Variants in TFRC observed in about 807,000 individuals in gnomAD.
TFRC encodes transferrin receptor protein 1.
In TFRC, 35 loss-of-function variants were observed where a neutral mutation model predicts 85.8. That is an observed-to-expected ratio of 0.41 (90% CI 0.31 to 0.54). The LOEUF (loss-of-function observed/expected upper bound fraction) is 0.54, where lower values mean the gene tolerates loss of function less well. TFRC is among the 20% of genes least tolerant of loss of function. The pLI is 0.31. For missense variants in TFRC, 828 were observed against 921.5 expected, an observed-to-expected ratio of 0.90 and a Z score of 1.31; for synonymous variants, 362 against 328.6, an observed-to-expected ratio of 1.10 and a Z score of -1.10.
intron 18 of TFRC, 33 bp from the exon 19 acceptor site, chr3:196,052,217 G>C (rs1716380849): frequency 3.8e-6 from 6 of 1,594,614 alleles, no homozygotes; most frequent in Non-Finnish European, 5.1e-6. Flanking sequence ...AATTTACACA[G>C]CCCTGTGACT....
chr3:196,080,418 T>C (rs1304151307), intron 1 of TFRC, among the ~76,000 whole-genome samples: 1 of 152,184 alleles, frequency 6.6e-6, no homozygotes, highest in Non-Finnish European at 1.5e-5. Flanking sequence ...TTTGTGTTTT[T>C]AGTAGAGACA....
chr3:196,065,431 G>GA lies in TFRC; in HGVS notation c.1198+11_1198+12insT, dbSNP rs2108646703. On this transcript the variant is annotated intron_variant, in intron 10 of 18. Coordinates refer to ENST00000360110, the MANE Select transcript of TFRC (RefSeq NM_001128148.3). The stretch of plus-strand genomic sequence containing the variant: ...AAAAAGCGGGGCGGGGGGGGGGGGG[G>GA]GCGGTCTTTACCTGGTTCTACAAAG... 1 of 468,612 alleles carries GA rather than the reference G, an allele frequency of 2.1e-6. No individual in the cohort carries two copies. Among genetic ancestry groups the GA allele is most frequent in the Non-Finnish European group, 3.0e-6 (1 of 338,932 alleles). The allele number at this position is 468,612 out of a possible 1,614,324, so 29.0% of individuals were successfully genotyped here. A position where few individuals can be genotyped will look rare whatever the true frequency, so the allele number is the denominator to read the frequency against.
intron 14 of TFRC, 126 bp downstream of exon 14, chr3:196,060,054 G>A: frequency 4.4e-6 from 3 of 687,966 alleles, no homozygotes; most frequent in Non-Finnish European, 7.3e-6. Context: ...AAATAACGCT[G>A]CTATAAAATT....
In TFRC at chr3:196,078,844, G is replaced by A. The variant is rs558397962; in HGVS notation, c.-23-1722C>T. 1.0e-3 allele frequency among the ~76,000 whole-genome samples: 154 copies of A among 150,086 alleles called. 1 individual carries two copies. The Middle Eastern group carries it at 0.038, about 37-fold the overall frequency. ...GGCTGGAGTGCAATGGCAGGATCTC[G>A]GCTCACTGCAACCTCCCCCTCCCGG... On this transcript the variant is annotated intron_variant, in intron 1 of 18. Coordinates refer to ENST00000360110, the MANE Select transcript of TFRC (RefSeq NM_001128148.3).
Position 196,055,263 on chromosome 3 carries a change from G to C in TFRC, c.1716C>G (p.Thr572=). 1 of 1,614,208 alleles carries C rather than the reference G, an allele frequency of 6.2e-7. No individual in the cohort carries two copies. Among genetic ancestry groups the C allele is most frequent in the Non-Finnish European group, 8.5e-7 (1 of 1,180,036 alleles). ...GAATCCTCTCAATCAGTTCCTTATA[G>C]GTGTCCATGGTGGTACCCAAATAAG... is the stretch of plus-strand genomic sequence containing the variant. ...DYPYLGTTMD[T]YKELIERIPE... The change falls in exon 17 of 19, where the codon ACC becomes ACG. Residue 572 remains threonine (T), a synonymous_variant. Transcript: ENST00000360110.
rs1577232492 is a variant in TFRC at position 196,064,291 on chromosome 3, T to C, written c.1318+18A>G. The C allele has an allele frequency of 4.4e-6, 7 of 1,600,872 alleles. No homozygotes were observed. In the South Asian group the frequency reaches 4.5e-5, roughly 10 times the overall value. On this transcript the variant is annotated intron_variant, in intron 11 of 18. Coordinates refer to ENST00000360110, the MANE Select transcript of TFRC (RefSeq NM_001128148.3). Reference sequence around the variant, plus strand: ...TGCAGTGCACCAATATTCAAAAGAATCAAAATTTGTACTCTACCTTTTAAG... The same window carrying C: ...TGCAGTGCACCAATATTCAAAAGAACCAAAATTTGTACTCTACCTTTTAAG...
chr3:196,065,397 A>G, intron 10 of TFRC, 46 bp downstream of exon 10: 4 of 1,067,332 alleles, frequency 3.7e-6, no homozygotes, highest in Non-Finnish European at 4.9e-6. Flanking sequence ...AACAGAAAAG[A>G]AAACAAAAAA....
Position 196,082,070 on chromosome 3 carries a change from C to G in TFRC, c.-51G>C, listed in dbSNP as rs919058864. On this transcript the variant is annotated 5_prime_UTR_variant, in exon 1 of 19. Coordinates refer to ENST00000360110, the MANE Select transcript of TFRC (RefSeq NM_001128148.3). ...TAGCGCGTCCTCCGTCCCGAGCCGC[C>G]ACCCGATATCCCGACGCTCTGAGGG... The G allele has an allele frequency of 1.3e-5, 2 of 153,520 alleles. No homozygotes were observed. The highest frequency in any genetic ancestry group is 4.8e-5 in the African/African-American group (2 of 41,488). 9.5% of individuals were successfully genotyped at this position (153,520 alleles called of 1,614,324 possible). A position where few individuals can be genotyped will look rare whatever the true frequency, so the allele number is the denominator to read the frequency against.
intron 3 of TFRC, 90 bp downstream of exon 3, chr3:196,075,069 A>T (rs2108656970): frequency 2.7e-5 from 26 of 967,144 alleles, no homozygotes; most frequent in Non-Finnish European, 3.5e-5. Context: ...AAAAAAAATA[A>T]GGTACAAAAT....
rs201408488 is a variant in TFRC, at chr3:196,074,054, T to C, written c.310A>G (p.Thr104Ala). The C allele has an allele frequency of 5.5e-4, 894 of 1,614,118 alleles. 9 individuals carry two copies. In the East Asian group the frequency reaches 8.7e-3, roughly 16 times the overall value. ...GGCTCCTCCCTCACTGGAGACTCGG[T>C]TCCTGCCAGTCTCTCACACTCAGTT... ...PKTECERLAGTESPVREEPGE... is the reference protein window; with the variant it reads ...PKTECERLAGAESPVREEPGE... Residue 104 changes from threonine to alanine, a missense_variant, in exon 4 of 19, where the codon ACC becomes GCC. Thr to Ala is a moderately conservative substitution (Grantham distance 58). Coordinates refer to ENST00000360110, the MANE Select transcript of TFRC (RefSeq NM_001128148.3).
chr3:196,068,154 A>C, intron 7 of TFRC, 24 bp from the exon 8 acceptor site: 2 of 1,556,240 alleles, frequency 1.3e-6, no homozygotes, highest in Non-Finnish European at 1.8e-6. Context: ...TATAAAGCTC[A>C]GAAAATGAAG....
chr3:196,074,301 A>G, intron 3 of TFRC, 176 bp from the exon 4 acceptor site: 1 of 501,992 alleles, frequency 2.0e-6, no homozygotes, highest in South Asian at 4.0e-5. Context: ...AATAAATTAT[A>G]TACTAGCTTT....
rs750247801 is a variant in TFRC at position 196,060,160 on chromosome 3, G to A, written c.1536+20C>T. Reference sequence around the variant, plus strand: ...AACAAAAATTAAGTCATACATTTTTGTAATGAGGTATATACTCACATTTTG... The same window carrying A: ...AACAAAAATTAAGTCATACATTTTTATAATGAGGTATATACTCACATTTTG... On this transcript the variant is annotated intron_variant, in intron 14 of 18. Coordinates refer to ENST00000360110, the MANE Select transcript of TFRC (RefSeq NM_001128148.3). The A allele has an allele frequency of 6.3e-7, 1 of 1,589,116 alleles. No individual in the cohort carries two copies. Among genetic ancestry groups the A allele is most frequent in the Non-Finnish European group, 8.6e-7 (1 of 1,164,610 alleles).
chr3:196,072,825 T>G (rs1019485996), intron 4 of TFRC: 1 of 152,078 alleles, frequency 6.6e-6, no homozygotes, highest in Admixed American at 6.5e-5. Flanking sequence ...GGACAAGTGT[T>G]ACAGCTCTTT....
chr3:196,074,392 C>T (rs1037904738), intron 3 of TFRC: 5 of 273,864 alleles, frequency 1.8e-5, no homozygotes, highest in African/African-American at 4.4e-5. Flanking sequence ...GCTGCTGCAC[C>T]GCCAGTGTCC....
rs928607720 is a variant in TFRC, at chr3:196,051,278, C to G, written c.*664G>C. ...AAGGGACAGAGGAAAAGAAAATATA[C>G]TAAGTCTTTGGCTTCTGGTCCCCTC... On this transcript the variant is annotated 3_prime_UTR_variant, in exon 19 of 19. Coordinates refer to ENST00000360110, the MANE Select transcript of TFRC (RefSeq NM_001128148.3). 1.4e-5 allele frequency: 3 copies of G among 219,724 alleles called. No homozygotes were observed. The highest frequency in any genetic ancestry group is 2.2e-5 in the African/African-American group (1 of 44,564). The allele number at this position is 219,724 out of a possible 1,614,324, so 13.6% of individuals were successfully genotyped here. A position where few individuals can be genotyped will look rare whatever the true frequency, so the allele number is the denominator to read the frequency against.
Position 196,065,432 on chromosome 3 carries a change from G to GGGGGGGGGTTA in TFRC, c.1198+10_1198+11insTAACCCCCCCC. On this transcript the variant is annotated intron_variant, in intron 10 of 18. Coordinates refer to ENST00000360110, the MANE Select transcript of TFRC (RefSeq NM_001128148.3). ...AAAAGCGGGGCGGGGGGGGGGGGGGGCGGTCTTTACCTGGTTCTACAAAGC... is the reference window on the plus strand; with the variant it reads ...AAAAGCGGGGCGGGGGGGGGGGGGGGGGGGGGGGTTACGGTCTTTACCTGGTTCTACAAAGC... The GGGGGGGGGTTA allele has an allele frequency of 2.5e-6, 1 of 406,858 alleles. No individual in the cohort carries two copies. Among genetic ancestry groups the GGGGGGGGGTTA allele is most frequent in the Non-Finnish European group, 3.3e-6 (1 of 306,810 alleles). 25.2% of individuals were successfully genotyped at this position (406,858 alleles called of 1,614,324 possible). A position where few individuals can be genotyped will look rare whatever the true frequency, so the allele number is the denominator to read the frequency against.
intron 4 of TFRC, among the ~76,000 whole-genome samples, chr3:196,073,036 C>CAAAAAAAAAAAAAAAAAAA (rs56723183): frequency 1.4e-5 from 1 of 72,152 alleles, no homozygotes; most frequent in African/African-American, 4.9e-5. Flanking sequence ...CCCGTTTCTG[C>CAAAAAAAAAAAAAAAAAAA]AAAAAAAAAA....
intron 18 of TFRC, among the ~76,000 whole-genome samples, chr3:196,052,859 T>C (rs1189021089): frequency 6.6e-6 from 1 of 152,132 alleles, no homozygotes; most frequent in African/African-American, 2.4e-5. Flanking sequence ...ACGCTTGTAA[T>C]ACCAGCACTT....
Sources: gnomAD v4.1 joint callset for allele counts (sites outside exome capture counted in the v4.1 genomes callset) on GRCh38, gnomAD v4.1.1 for gene constraint, MANE v1.5 for transcripts, NCBI Gene and HGNC (gene_info 2026-07-23, HGNC 2026-07-21) for gene names.